Variants in PRKACB observed in about 807,000 individuals in gnomAD.
PRKACB encodes the protein cAMP-dependent protein kinase catalytic subunit beta.
A neutral mutation model predicts 51.4 loss-of-function variants in PRKACB; 16 were observed. That is an observed-to-expected ratio of 0.31 (90% confidence interval 0.21 to 0.47). The LOEUF (loss-of-function observed/expected upper bound fraction) is 0.47. Ranked by LOEUF, PRKACB falls within the 20% of genes least tolerant of loss-of-function variation. The pLI is 1.00. For synonymous variants in PRKACB, 147 were observed against 154.4 expected (o/e 0.95, Z 0.35); for missense variants, 309 against 464.5 (o/e 0.67, Z 3.08).
At chr1:84,146,145 G>T (rs201750311) in intron 1 of PRKACB, among the ~76,000 whole-genome samples, 41,687 of 141,918 alleles carry the variant, frequency 0.29, 6,067 homozygotes, top group African/African-American at 0.36. Flanking sequence ...ATGCTGTTTT[G>T]TTTTTTTTTT....
chr1:84,196,318 T>G (rs1009564852), intron 5 of PRKACB, among the ~76,000 whole-genome samples: 3 of 152,146 alleles, frequency 2.0e-5, no homozygotes, highest in Non-Finnish European at 4.4e-5. Context: ...TCAGACATAA[T>G]TAGAAAGACA....
chr1:84,087,379 G>C (rs562488597), intron 1 of PRKACB, among the ~76,000 whole-genome samples: 4 of 152,260 alleles, frequency 2.6e-5, no homozygotes, highest in African/African-American at 7.2e-5. Context: ...ATAAAAGCTA[G>C]CTGTAGAACA....
At chr1:84,234,867 C>T (rs1676479144) in intron 9 of PRKACB, among the ~76,000 whole-genome samples, 2 of 152,210 alleles carry the variant, frequency 1.3e-5, no homozygotes, top group African/African-American at 2.4e-5. Flanking sequence ...GCAGAAATCA[C>T]CCGTCTTCTG....
intron 3 of PRKACB, 81 bp from the exon 4 acceptor site, chr1:84,183,956 C>T: frequency 7.4e-7 from 1 of 1,356,898 alleles, no homozygotes; most frequent in Non-Finnish European, 9.7e-7. Flanking sequence ...AAGTTTATTA[C>T]TATATGGAAA....
intron 9 of PRKACB, among the ~76,000 whole-genome samples, chr1:84,231,784 T>G (rs1467054164): frequency 6.6e-6 from 1 of 152,178 alleles, no homozygotes; most frequent in Non-Finnish European, 1.5e-5. Context: ...TTATCATTTT[T>G]TATTGCGTCT....
intron 9 of PRKACB, among the ~76,000 whole-genome samples, chr1:84,223,407 C>T (rs28810071): frequency 0.18 from 25,189 of 138,722 alleles, 2,724 homozygotes; most frequent in Middle Eastern, 0.3. Flanking sequence ...CTCGCTCTGT[C>T]GCCCAGGCAA....
At chr1:84,138,271 A>G (rs1184268524) in intron 1 of PRKACB, among the ~76,000 whole-genome samples, 2 of 152,192 alleles carry the variant, frequency 1.3e-5, no homozygotes. Context: ...TCAAAGGGAC[A>G]TAGGAGGAAG....
chr1:84,100,655 A>C (rs1421783725), intron 1 of PRKACB, among the ~76,000 whole-genome samples: 20 of 152,130 alleles, frequency 1.3e-4, no homozygotes, highest in Admixed American at 1.3e-3. Flanking sequence ...ATTTTCTTTT[A>C]AAAATTATGT....
intron 1 of PRKACB, among the ~76,000 whole-genome samples, chr1:84,106,321 C>T (rs1260733431): frequency 1.3e-5 from 2 of 152,248 alleles, no homozygotes; most frequent in Non-Finnish European, 2.9e-5. Context: ...GTCACATTAT[C>T]CCTGTTTGCA....
chr1:84,226,709 G>C (rs1421096760), intron 9 of PRKACB, among the ~76,000 whole-genome samples: 3 of 151,594 alleles, frequency 2.0e-5, no homozygotes, highest in African/African-American at 7.3e-5. Context: ...TTCCATTTTT[G>C]TTTTAGTACA....
chr1:84,142,487 G>C (rs569788269), upstream of PRKACB, among the ~76,000 whole-genome samples: 3 of 152,230 alleles, frequency 2.0e-5, no homozygotes, highest in South Asian at 6.2e-4. Context: ...GGCACTACCA[G>C]ATGTTAAGAA....
intron 1 of PRKACB, chr1:84,164,997 G>T: frequency 6.5e-7 from 1 of 1,546,428 alleles, no homozygotes; most frequent in South Asian, 1.2e-5. Context: ...TGGAAAGGTT[G>T]GTTTTCATCA....
In PRKACB at chr1:84,237,551, G is replaced by A. The variant is rs1259843795; in HGVS notation, c.*2246G>A. Reference sequence around the variant, plus strand: ...CATTCCATTTTACTCTCTATTTAAAGGCCGTGAGCAAGCTTGTCATGAGCA... The same window carrying A: ...CATTCCATTTTACTCTCTATTTAAAAGCCGTGAGCAAGCTTGTCATGAGCA... On this transcript the variant is annotated 3_prime_UTR_variant, in exon 10 of 10. Coordinates refer to ENST00000370685, the MANE Select transcript of PRKACB (RefSeq NM_182948.4). The A allele has an allele frequency of 6.6e-6, 1 of 152,318 alleles. No homozygotes were observed. Among genetic ancestry groups the A allele is most frequent in the Non-Finnish European group, 1.5e-5 (1 of 67,972 alleles). 9.4% of individuals were successfully genotyped at this position (152,318 alleles called of 1,614,324 possible).
At chr1:84,123,877 T>C (rs956633581) in intron 1 of PRKACB, among the ~76,000 whole-genome samples, 3 of 152,160 alleles carry the variant, frequency 2.0e-5, no homozygotes, top group Non-Finnish European at 4.4e-5. Context: ...TCCAAAATAT[T>C]CTAGGCAGTA....
At position 84,186,073 on chromosome 1, in the gene PRKACB, A is replaced by G. The variant is rs564053759; in HGVS notation, c.560+891A>G. Reference sequence around the variant, plus strand: ...CTAGTTAAGTTTTGGGGAGCTGGCAAGCTCTGATTGGTGAGTGATGGTGGT... The same window carrying G: ...CTAGTTAAGTTTTGGGGAGCTGGCAGGCTCTGATTGGTGAGTGATGGTGGT... On this transcript the variant is annotated intron_variant, in intron 5 of 9. Coordinates refer to ENST00000370685, the MANE Select transcript of PRKACB (RefSeq NM_182948.4). 2.6e-5 allele frequency among the ~76,000 whole-genome samples: 4 copies of G among 152,242 alleles called. No individual in the cohort carries two copies. In the East Asian group the frequency reaches 7.7e-4, roughly 29 times the overall value.
Position 84,237,689 on chromosome 1 carries a change from C to T in PRKACB, c.*2384C>T, listed in dbSNP as rs1375340127. The T allele has an allele frequency of 3.3e-5, 5 of 152,084 alleles. No homozygotes were observed. The highest frequency in any genetic ancestry group is 3.3e-4 in the Admixed American group (5 of 15,272). The allele number at this position is 152,084 out of a possible 1,614,324, so 9.4% of individuals were successfully genotyped here. The stretch of plus-strand genomic sequence containing the variant: ...AATTTAGCCAAGAATAAGATAAAAA[C>T]TTGAATAAGAAGTAAGTAGCATAAA... On this transcript the variant is annotated 3_prime_UTR_variant, in exon 10 of 10. Coordinates refer to ENST00000370685, the MANE Select transcript of PRKACB (RefSeq NM_182948.4).
chr1:84,197,345 T>C (rs1427786551), intron 6 of PRKACB, among the ~76,000 whole-genome samples: 1 of 152,162 alleles, frequency 6.6e-6, no homozygotes, highest in African/African-American at 2.4e-5. Flanking sequence ...GTTTTTACAC[T>C]TCTGATGGTG....
intron 1 of PRKACB, among the ~76,000 whole-genome samples, chr1:84,165,903 A>C (rs1223560740): frequency 6.6e-6 from 1 of 151,786 alleles, no homozygotes; most frequent in South Asian, 2.1e-4. Flanking sequence ...CTCTGATAAC[A>C]TAACAGTCCT....
chr1:84,198,354 C>T (rs1444566724), intron 7 of PRKACB, among the ~76,000 whole-genome samples: 1 of 151,996 alleles, frequency 6.6e-6, no homozygotes, highest in Non-Finnish European at 1.5e-5. Flanking sequence ...GTACCTATAT[C>T]CAAAAGAATG....
Sources: allele counts gnomAD v4.1 joint callset (sites outside exome capture counted in the v4.1 genomes callset), GRCh38; gene constraint gnomAD v4.1.1; transcripts MANE v1.5; gene names NCBI Gene and HGNC (gene_info 2026-07-23, HGNC 2026-07-21).